The following OR8B2 variants were observed in gnomAD, a reference collection of about 807,000 sequenced individuals.
OR8B2 encodes the protein olfactory receptor 8B2.
For synonymous variants in OR8B2, 98 were observed against 138.2 expected (o/e 0.71, Z 2.04); for missense variants, 304 against 379.6 (o/e 0.80, Z 1.65).
chr11:124,396,413 G>C, the OR8B2 span: 3 of 1,595,388 alleles, frequency 1.9e-6, no homozygotes, highest in Non-Finnish European at 1.7e-6. Flanking sequence ...CTTCTAATTA[G>C]AATATATTTC....
chr11:124,396,192 C>T, the OR8B2 span: 32 of 511,950 alleles, frequency 6.3e-5, no homozygotes, highest in Admixed American at 2.2e-4. Context: ...TGCATATGTT[C>T]CTTTTACAAA....
chr11:124,388,424 A>G (rs1762711080), upstream of OR8B2, among the ~76,000 whole-genome samples: 1 of 152,110 alleles, frequency 6.6e-6, no homozygotes, highest in South Asian at 2.1e-4. Flanking sequence ...CTATCACATT[A>G]GTGACTTTGG....
chr11:124,382,766 T>C lies in OR8B2; in HGVS notation c.578A>G (p.Tyr193Cys), dbSNP rs1591429517. The change falls in exon 2 of 2, where the codon TAT becomes TGT. Residue 193 changes from tyrosine to cysteine, a missense_variant. Transcript: ENST00000641451. ...PLLQLSCTSTYVNEVVVLIVV... is the reference protein window; with the variant it reads ...PLLQLSCTSTCVNEVVVLIVV... ...AATGAGAACAACCACCTCGTTGACA[T>C]AGGTGCTGGTGCAGGAAAGCTGGAG... 6 of 1,613,628 alleles carry C rather than the reference T, an allele frequency of 3.7e-6. No homozygotes were observed. The highest frequency in any genetic ancestry group is 1.7e-4 in the Middle Eastern group (1 of 6,052).
chr11:124,397,048 A>G, the OR8B2 span: 1 of 1,613,898 alleles, frequency 6.2e-7, no homozygotes, highest in Non-Finnish European at 8.5e-7. Context: ...AGAAAGAAAA[A>G]CAGCTGAGTC....
the OR8B2 span, among the ~76,000 whole-genome samples, chr11:124,392,078 A>T: frequency 8.3e-6 from 1 of 121,168 alleles, no homozygotes; most frequent in Non-Finnish European, 1.6e-5. Context: ...CATGCTAAAA[A>T]GTCTCAATAA....
At chr11:124,397,161 A>G in the OR8B2 span, 87 of 1,612,712 alleles carry the variant, frequency 5.4e-5, no homozygotes, top group East Asian at 1.4e-3. Context: ...GGAGAGATTG[A>G]AGAGGAAATA....
At chr11:124,393,801 C>A in the OR8B2 span, among the ~76,000 whole-genome samples, 358 of 151,532 alleles carry the variant, frequency 2.4e-3, 3 homozygotes, top group African/African-American at 8.3e-3. Context: ...AAGACACATG[C>A]ACACGTATGT....
chr11:124,387,084 T>C (rs1235288642), upstream of OR8B2, among the ~76,000 whole-genome samples: 1 of 152,244 alleles, frequency 6.6e-6, no homozygotes, highest in Admixed American at 6.5e-5. Flanking sequence ...TCATATCCTT[T>C]GCCCACTTTT....
chr11:124,386,826 T>C (rs1860709126), upstream of OR8B2, among the ~76,000 whole-genome samples: 2 of 152,104 alleles, frequency 1.3e-5, no homozygotes, highest in African/African-American at 4.8e-5. Flanking sequence ...CCCTGAGGAA[T>C]GGCCACACTG....
Position 124,382,923 on chromosome 11 carries a change from A to G in OR8B2, c.421T>C (p.Cys141Arg). The change falls in exon 2 of 2, where the codon TGT becomes CGT. Residue 141 changes from cysteine to arginine, a missense_variant. Cys to Arg is a radical substitution (Grantham distance 180, BLOSUM62 -3). Coordinates refer to ENST00000641451, the MANE Select transcript of OR8B2 (RefSeq NM_001005468.2). ...TAAGCAGCAAAAGTGAGCATAGAAC[A>G]GACCTGATGGGACATGGTGACCTTA... ...LYKVTMSHQV[C>R]SMLTFAAYIM... 6.2e-7 allele frequency: 1 copy of G among 1,610,534 alleles called. No homozygotes were observed.
the OR8B2 span, chr11:124,396,347 T>C: frequency 7.3e-7 from 1 of 1,370,970 alleles, no homozygotes; most frequent in Admixed American, 2.5e-5. Flanking sequence ...CAAAATCTCT[T>C]CATGGAACAC....
At chr11:124,389,323 A>G (rs967795977), upstream of OR8B2, among the ~76,000 whole-genome samples, 4 of 152,202 alleles carry the variant, frequency 2.6e-5, no homozygotes, top group Non-Finnish European at 5.9e-5. Context: ...ACTATGCAGA[A>G]TTGTGTTATA....
chr11:124,383,666 C>T (rs1483935718), intron 1 of OR8B2, among the ~76,000 whole-genome samples: 9 of 152,162 alleles, frequency 5.9e-5, no homozygotes, highest in Non-Finnish European at 1.2e-4. Flanking sequence ...CCCTCACTTC[C>T]ATCTGTCCCT....
chr11:124,385,609 T>C (rs1396963903), upstream of OR8B2, among the ~76,000 whole-genome samples: 4 of 131,922 alleles, frequency 3.0e-5, no homozygotes, highest in African/African-American at 6.0e-5. Context: ...GAATTCTTTC[T>C]TTTTTTTCTT....
At chr11:124,392,421 G>C in the OR8B2 span, among the ~76,000 whole-genome samples, 23 of 111,364 alleles carry the variant, frequency 2.1e-4, 2 homozygotes, top group South Asian at 8.1e-3. Context: ...AAAGTCTCAG[G>C]ATACAAAATC....
upstream of OR8B2, among the ~76,000 whole-genome samples, chr11:124,388,318 T>G (rs7103647): frequency 0.28 from 38,320 of 136,300 alleles, 3,723 homozygotes; most frequent in African/African-American, 0.35. Context: ...TGGTGAGAGA[T>G]GGCATCCCTG....
the OR8B2 span, chr11:124,396,178 T>A: frequency 2.3e-6 from 1 of 437,026 alleles, no homozygotes; most frequent in Admixed American, 4.0e-5. Context: ...ATGAAAAATA[T>A]CAGTGCATAT....
At chr11:124,396,848 G>A in the OR8B2 span, 8 of 1,610,328 alleles carry the variant, frequency 5.0e-6, no homozygotes, top group Non-Finnish European at 6.8e-6. Context: ...TAGCACTGCA[G>A]AAGGTGAGTC....
In OR8B2 at chr11:124,382,503, C is replaced by A. The variant is rs1484192355; in HGVS notation, c.841G>T (p.Val281Leu). 2.5e-6 allele frequency: 4 copies of A among 1,614,002 alleles called. No homozygotes were observed. Among genetic ancestry groups the A allele is most frequent in the East Asian group, 2.2e-5 (1 of 44,880 alleles). ...KVSSVFYTNVVPMLNPLIYSL... is the reference protein window; with the variant it reads ...KVSSVFYTNVLPMLNPLIYSL... The stretch of plus-strand genomic sequence containing the variant: ...TAGATGAGGGGATTGAGCATGGGCA[C>A]CACATTAGTGTAGAAAACAGAAGAA... The change falls in exon 2 of 2, where the codon GTG (valine) becomes TTG (leucine). Residue 281 changes from valine (V) to leucine (L), a missense_variant. Val to Leu is a conservative substitution (Grantham distance 32). Transcript: ENST00000641451.
Sources: allele counts gnomAD v4.1 joint callset (sites outside exome capture counted in the v4.1 genomes callset), GRCh38; gene constraint gnomAD v4.1.1; transcripts MANE v1.5; gene names NCBI Gene and HGNC (gene_info 2026-07-23, HGNC 2026-07-21).